Variants in MAEA observed in about 807,000 individuals in gnomAD.
The protein encoded by MAEA is E3 ubiquitin-protein transferase MAEA.
A neutral mutation model predicts 46.2 loss-of-function variants in MAEA; 22 were observed. The ratio of observed to expected loss-of-function variants is 0.48; its 90% confidence interval spans 0.34 to 0.68. The LOEUF (loss-of-function observed/expected upper bound fraction) is 0.68. MAEA is among the 30% of genes least tolerant of loss of function. MAEA has a pLI of 0.01. For missense variants in MAEA, 393 were observed against 558.1 expected, an observed-to-expected ratio of 0.70 and a Z score of 2.98; for synonymous variants, 246 against 222.6, an observed-to-expected ratio of 1.11 and a Z score of -0.94.
chr4:1,336,866 T>C lies in MAEA; in HGVS notation c.771T>C (p.Leu257=), dbSNP rs780256862. ...CTCTGCTCTCTGTCTTCCAGGACCT[T>C]CTGGACCCTGCACGGTGGCGGATGC... ...PDTHISPYKD[L]LDPARWRMLI... Residue 257 remains leucine, a synonymous_variant, in exon 7 of 9, where the codon CTT becomes CTC. Transcript: ENST00000303400. 1 of 1,613,780 alleles carries C rather than the reference T, an allele frequency of 6.2e-7. No individual in the cohort carries two copies. The highest frequency in any genetic ancestry group is 1.1e-5 in the South Asian group (1 of 91,064).
intron 1 of MAEA, chr4:1,309,914 C>A (rs542070709): frequency 1.6e-6 from 2 of 1,284,584 alleles, no homozygotes; most frequent in Non-Finnish European, 2.0e-6. Context: ...CCAGAAAGGC[C>A]CCGTTCCCGC....
chr4:1,309,948 G>A (rs963863980), intron 1 of MAEA: 1 of 1,267,410 alleles, frequency 7.9e-7, no homozygotes, highest in Non-Finnish European at 1.0e-6. Context: ...GCAGCTAAGG[G>A]ACGTCCAGAG....
At chr4:1,337,229 C>T in intron 7 of MAEA, 1 of 554,058 alleles carries the variant, frequency 1.8e-6, no homozygotes, top group Non-Finnish European at 3.2e-6. Flanking sequence ...CTCTCATCAT[C>T]TCAGAGGCCG....
At chr4:1,330,067 G>A (rs1739342624) in intron 5 of MAEA, 5 of 985,440 alleles carry the variant, frequency 5.1e-6, no homozygotes, top group African/African-American at 1.7e-5. Context: ...TGGCTGGGGT[G>A]GCTGCAGCTC....
chr4:1,294,773 T>G, intron 1 of MAEA, among the ~76,000 whole-genome samples: 1 of 108,254 alleles, frequency 9.2e-6, no homozygotes, highest in Non-Finnish European at 1.7e-5. Flanking sequence ...GAGGTTGAGG[T>G]GATGTTGGAC....
chr4:1,305,757 A>G (rs1023791798), intron 1 of MAEA, among the ~76,000 whole-genome samples: 12 of 127,694 alleles, frequency 9.4e-5, no homozygotes, highest in Non-Finnish European at 2.1e-4. Context: ...GCGTGCGTGC[A>G]CGTGCGCACG....
chr4:1,309,209 C>A (rs2108897496), intron 1 of MAEA, among the ~76,000 whole-genome samples: 1 of 152,312 alleles, frequency 6.6e-6, no homozygotes, highest in South Asian at 2.1e-4. Flanking sequence ...CAGCTTTCAG[C>A]CCTTGCGTAT....
At chr4:1,292,984 C>T (rs1734264268) in intron 1 of MAEA, among the ~76,000 whole-genome samples, 1 of 151,448 alleles carries the variant, frequency 6.6e-6, no homozygotes, top group African/African-American at 2.4e-5. Context: ...ACCTCTGCCT[C>T]CCAGATTCAA....
chr4:1,334,025 C>T (rs1223164498), intron 6 of MAEA, among the ~76,000 whole-genome samples: 1 of 40,206 alleles, frequency 2.5e-5, no homozygotes, highest in Non-Finnish European at 5.1e-5. Flanking sequence ...CCCCCATGCC[C>T]ACCCCATGCC....
At chr4:1,315,710 C>A in intron 3 of MAEA, 110 bp downstream of exon 3, 1 of 941,164 alleles carries the variant, frequency 1.1e-6, no homozygotes, top group Non-Finnish European at 1.6e-6. Context: ...GCTTGTGTTC[C>A]CCTCCCCCCA....
At chr4:1,319,977 T>G (rs536105359) in intron 3 of MAEA, among the ~76,000 whole-genome samples, 2 of 143,740 alleles carry the variant, frequency 1.4e-5, no homozygotes, top group South Asian at 2.2e-4. Flanking sequence ...TGAAGGGGCT[T>G]CAGAAAAGAA....
intron 3 of MAEA, among the ~76,000 whole-genome samples, 159 bp downstream of exon 3, chr4:1,315,759 T>A (rs1237461222): frequency 2.5e-5 from 2 of 79,848 alleles, no homozygotes; most frequent in East Asian, 9.1e-4. Context: ...CACCCCCGTG[T>A]GCGTGTGTCC....
intron 3 of MAEA, among the ~76,000 whole-genome samples, chr4:1,315,987 G>A (rs1737114939): frequency 6.8e-6 from 1 of 147,832 alleles, no homozygotes; most frequent in African/African-American, 2.5e-5. Flanking sequence ...ACGCACCTGG[G>A]ACTTAGCCTT....
At chr4:1,314,320 CAA>C (rs570061345) in intron 2 of MAEA, among the ~76,000 whole-genome samples, 18 of 106,714 alleles carry the variant, frequency 1.7e-4, no homozygotes, top group Non-Finnish European at 1.7e-4. Flanking sequence ...ACTCTGTCTC[CAA>C]AAAAAAAAAA....
rs1053603952 is a variant in MAEA, at chr4:1,311,425, C to G, written c.70-554C>G. On this transcript the variant is annotated intron_variant, in intron 1 of 8. Coordinates refer to ENST00000303400, the MANE Select transcript of MAEA (RefSeq NM_001017405.3). The surrounding 1 kb of genome is among the most constrained non-coding windows in gnomAD (Gnocchi z 4.4). ...TTATTTCCACAGGGAATGGATGGTTCTTACGACTGGGGAAGGCAAACGCTG... is the reference window on the plus strand; with the variant it reads ...TTATTTCCACAGGGAATGGATGGTTGTTACGACTGGGGAAGGCAAACGCTG... Among the ~76,000 whole-genome samples, 4 of 152,246 alleles carry G rather than the reference C, an allele frequency of 2.6e-5. No homozygotes were observed. Among genetic ancestry groups the G allele is most frequent in the Non-Finnish European group, 4.4e-5 (3 of 68,040 alleles).
intron 6 of MAEA, chr4:1,334,987 G>A: frequency 1.0e-6 from 1 of 985,418 alleles, no homozygotes; most frequent in Non-Finnish European, 1.2e-6. Flanking sequence ...AGAGACTGAT[G>A]GGTGACGTCC....
intron 7 of MAEA, chr4:1,337,286 C>T (rs1391626145): frequency 9.4e-6 from 4 of 424,098 alleles, no homozygotes; most frequent in East Asian, 4.9e-5. Flanking sequence ...TTCTGGCAGC[C>T]GGCAGATTAC....
rs1217027111 is a variant in MAEA at position 1,321,918 on chromosome 4, C to T, written c.457-463C>T. Among the ~76,000 whole-genome samples, 3 of 148,336 alleles carry T rather than the reference C, an allele frequency of 2.0e-5. No individual in the cohort carries two copies. The Admixed American group carries it at 2.0e-4, about 10-fold the overall frequency. ...CTTTCATATAAATCATTGGTTGTAA[C>T]TACCGCGATATTAGCCATAATGTGT... is the stretch of plus-strand genomic sequence containing the variant. On this transcript the variant is annotated intron_variant, in intron 3 of 8. Transcript: ENST00000303400.
In MAEA at chr4:1,316,916, ACT is replaced by A. The variant is rs1402862436; in HGVS notation, c.456+1318_456+1319del. ...GCTCCCCAGCCTTGCGGCACTCCAG[ACT>A]CACCCCCAGGCCCACCCGGCCCCAC... On this transcript the variant is annotated intron_variant, in intron 3 of 8. Transcript: ENST00000303400. Among the ~76,000 whole-genome samples the A allele has an allele frequency of 5.9e-5, 8 of 134,568 alleles. No individual in the cohort carries two copies. The South Asian group carries it at 7.1e-4, about 12-fold the overall frequency. The allele number at this position is 134,568 out of a possible 152,430, so 88.3% of individuals were successfully genotyped here. A position where few individuals can be genotyped will look rare whatever the true frequency, so the allele number is the denominator to read the frequency against.
Sources: allele counts gnomAD v4.1 joint callset (sites outside exome capture counted in the v4.1 genomes callset), GRCh38; gene constraint gnomAD v4.1.1; non-coding constraint Gnocchi (gnomAD v3.1); transcripts MANE v1.5; gene names NCBI Gene and HGNC (gene_info 2026-07-23, HGNC 2026-07-21).